The following CDH13 variants were observed in gnomAD, a reference collection of about 807,000 sequenced individuals.
CDH13 encodes cadherin-13.
CDH13 carries 24 observed loss-of-function variants against 63.8 expected under a neutral mutation model. That is an observed-to-expected ratio of 0.38 (90% CI 0.27 to 0.53). The LOEUF (loss-of-function observed/expected upper bound fraction) is 0.53. Among genes scored for constraint, CDH13 ranks in the 20% least tolerant of loss-of-function variants. CDH13 has a pLI of 0.85. For missense variants in CDH13, 1,049 were observed against 903.1 expected (o/e 1.16, Z -2.07); for synonymous variants, 503 against 355.3 (o/e 1.42, Z -4.67).
chr16:83,516,728 G>A (rs1305723640), intron 7 of CDH13, among the ~76,000 whole-genome samples: 1 of 152,130 alleles, frequency 6.6e-6, no homozygotes, highest in African/African-American at 2.4e-5. Context: ...TAGTAAAAAA[G>A]CCAGCTGCCT....
chr16:83,546,760 C>T (rs1250283086), intron 7 of CDH13, among the ~76,000 whole-genome samples: 1 of 152,164 alleles, frequency 6.6e-6, no homozygotes, highest in Non-Finnish European at 1.5e-5. Context: ...AGTGCCCTTC[C>T]ATAGTACTTA....
intron 2 of CDH13, among the ~76,000 whole-genome samples, chr16:82,891,955 G>A (rs1042522175): frequency 6.6e-6 from 1 of 152,174 alleles, no homozygotes; most frequent in Non-Finnish European, 1.5e-5. Flanking sequence ...TTGTTGGTCA[G>A]TATCCTTTTG....
chr16:82,758,017 A>G (rs1444797286), intron 1 of CDH13, among the ~76,000 whole-genome samples: 2 of 152,164 alleles, frequency 1.3e-5, no homozygotes, highest in Non-Finnish European at 2.9e-5. Context: ...AAGTGTGTGA[A>G]TGCAAAGGTA....
chr16:82,643,572 A>T (rs139198369), intron 1 of CDH13, among the ~76,000 whole-genome samples: 70 of 152,314 alleles, frequency 4.6e-4, no homozygotes, highest in African/African-American at 1.3e-3. Flanking sequence ...ACTGCAGGTC[A>T]CCTTGGCCTA....
rs538995398 is a variant in CDH13, at chr16:83,100,880, C to T, written c.367-24505C>T. Among the ~76,000 whole-genome samples the T allele has an allele frequency of 2.6e-5, 4 of 152,280 alleles. No individual in the cohort carries two copies. In the East Asian group the frequency reaches 7.7e-4, roughly 29 times the overall value. On this transcript the variant is annotated intron_variant, in intron 3 of 13. Coordinates refer to ENST00000567109, the MANE Select transcript of CDH13 (RefSeq NM_001257.5). Reference sequence around the variant, plus strand: ...ACTTTTGTACAGCGTACAACCTTTACCACCATAAATGGAGGCTTTTTGTAT... The same window carrying T: ...ACTTTTGTACAGCGTACAACCTTTATCACCATAAATGGAGGCTTTTTGTAT...
intron 3 of CDH13, among the ~76,000 whole-genome samples, chr16:83,083,312 A>C (rs934033386): frequency 6.6e-6 from 1 of 152,210 alleles, no homozygotes; most frequent in African/African-American, 2.4e-5. Context: ...AGGACAATTT[A>C]CATAACTCTA....
chr16:83,046,487 T>A (rs1917795043), intron 3 of CDH13, among the ~76,000 whole-genome samples: 1 of 152,204 alleles, frequency 6.6e-6, no homozygotes, highest in South Asian at 2.1e-4. Flanking sequence ...TAATATCCCA[T>A]ATATGTTTTG....
intron 5 of CDH13, among the ~76,000 whole-genome samples, chr16:83,287,782 A>G (rs1386153946): frequency 6.6e-6 from 1 of 152,192 alleles, no homozygotes; most frequent in Non-Finnish European, 1.5e-5. Context: ...CTGGTCCATG[A>G]AAAAATTGTC....
chr16:83,275,365 G>A (rs529885692), intron 5 of CDH13, among the ~76,000 whole-genome samples: 1 of 152,288 alleles, frequency 6.6e-6, no homozygotes, highest in African/African-American at 2.4e-5. Flanking sequence ...CCACCTAATA[G>A]AAAGGCAATT....
At position 82,706,479 on chromosome 16, in the gene CDH13, GA is replaced by G. The variant is rs1324917432; in HGVS notation, c.45+79348del. On this transcript the variant is annotated intron_variant, in intron 1 of 13. Coordinates refer to ENST00000567109, the MANE Select transcript of CDH13 (RefSeq NM_001257.5). The stretch of plus-strand genomic sequence containing the variant: ...GGAGCTGCTAGGTGGTTGGCCTGGA[GA>G]AAAAACAAGGAGTTTTTTCTGCAAA... Among the ~76,000 whole-genome samples the G allele has an allele frequency of 1.2e-4, 19 of 152,028 alleles. 1 individual carries two copies.
At chr16:82,878,115 G>C (rs1325692920) in intron 2 of CDH13, among the ~76,000 whole-genome samples, 1 of 152,038 alleles carries the variant, frequency 6.6e-6, no homozygotes, top group Admixed American at 6.6e-5. Context: ...TCAGAAGCCA[G>C]ATTGTCTGAG....
intron 7 of CDH13, among the ~76,000 whole-genome samples, chr16:83,545,784 C>G (rs1236870118): frequency 6.6e-6 from 1 of 152,188 alleles, no homozygotes; most frequent in Non-Finnish European, 1.5e-5. Context: ...CTAAGTCCAA[C>G]TCCTACTTCA....
intron 2 of CDH13, among the ~76,000 whole-genome samples, chr16:82,874,903 G>A (rs1274924198): frequency 1.3e-5 from 2 of 152,144 alleles, no homozygotes; most frequent in Non-Finnish European, 2.9e-5. Context: ...AGGGCAGTTG[G>A]GATTGCCAGA....
chr16:83,731,844 C>T (rs961138001), intron 10 of CDH13, among the ~76,000 whole-genome samples: 7 of 152,150 alleles, frequency 4.6e-5, no homozygotes, highest in African/African-American at 1.7e-4. Context: ...GTAAAATGAG[C>T]AAAATTCTCG....
intron 3 of CDH13, among the ~76,000 whole-genome samples, chr16:83,070,861 C>A (rs1455946269): frequency 1.4e-5 from 2 of 142,538 alleles, no homozygotes; most frequent in Non-Finnish European, 3.1e-5. Flanking sequence ...AACAGCCCCC[C>A]CCCCCCCAAA....
chr16:82,908,220 C>T (rs2041712822), intron 2 of CDH13, among the ~76,000 whole-genome samples: 1 of 152,082 alleles, frequency 6.6e-6, no homozygotes, highest in South Asian at 2.1e-4. Flanking sequence ...GATATTGTCC[C>T]ATGAATACAA....
intron 3 of CDH13, among the ~76,000 whole-genome samples, chr16:83,045,838 A>G: frequency 6.6e-6 from 1 of 152,192 alleles, no homozygotes; most frequent in Admixed American, 6.5e-5. Context: ...AGCACATGGG[A>G]TGATCAAATT....
chr16:83,543,589 A>G (rs1488081273), intron 7 of CDH13, among the ~76,000 whole-genome samples: 1 of 152,172 alleles, frequency 6.6e-6, no homozygotes, highest in East Asian at 1.9e-4. Context: ...AGCTTCATAT[A>G]TCACTGTTAA....
At chr16:83,308,424 G>T (rs542237986) in intron 5 of CDH13, among the ~76,000 whole-genome samples, 2 of 152,292 alleles carry the variant, frequency 1.3e-5, no homozygotes, top group African/African-American at 4.8e-5. Flanking sequence ...TCCAACACAG[G>T]ATTCTAATAT....
Sources: gnomAD v4.1 joint callset for allele counts (sites outside exome capture counted in the v4.1 genomes callset) on GRCh38, gnomAD v4.1.1 for gene constraint, MANE v1.5 for transcripts, NCBI Gene and HGNC (gene_info 2026-07-23, HGNC 2026-07-21) for gene names.